The following DCX variants were observed in gnomAD, a reference collection of about 807,000 sequenced individuals.
The protein encoded by DCX is doublecortin, also known as neuronal migration protein doublecortin.
Under a neutral mutation model 20.9 loss-of-function variants are expected in DCX, and 4 were observed. The observed-to-expected ratio is 0.19, with a 90% CI of 0.09 to 0.44. The LOEUF is 0.44. Ranked by LOEUF, DCX falls within the 20% of genes least tolerant of loss-of-function variation. The probability of loss-of-function intolerance (pLI) is 0.99; values close to 1 mark genes in which losing one functional copy is unlikely to be tolerated. For synonymous variants in DCX, 103 were observed against 111.4 expected (o/e 0.92, Z 0.47); for missense variants, 133 against 296.9 (o/e 0.45, Z 4.06).
rs749902767 is a variant in DCX, at chrX:111,351,134, G to A, written c.706-17981C>T. Among the ~76,000 whole-genome samples the A allele has an allele frequency of 8.0e-5, 9 of 111,981 alleles. No homozygotes were observed. In the South Asian group the frequency reaches 3.4e-3, roughly 42 times the overall value. The stretch of plus-strand genomic sequence containing the variant: ...ACAGCCAAACCATACCAGTCAGTAT[G>A]GGGGCTCATGAGGGAACAAGCTGAG... On this transcript the variant is annotated intron_variant, in intron 3 of 6. Transcript: ENST00000636035.
intron 2 of DCX, among the ~76,000 whole-genome samples, chrX:111,409,061 A>G (rs1350920857): frequency 9.0e-6 from 1 of 111,638 alleles, no homozygotes; most frequent in Non-Finnish European, 1.9e-5. Context: ...CTTGAGGAGG[A>G]ACACATTAAT....
intron 3 of DCX, among the ~76,000 whole-genome samples, chrX:111,366,543 G>A (rs1924647254): frequency 9.0e-6 from 1 of 111,716 alleles, no homozygotes; most frequent in Admixed American, 9.5e-5. Context: ...TTCCCTTTCT[G>A]CTTTATCTAG....
chrX:111,369,889 C>A (rs138065265), intron 3 of DCX, among the ~76,000 whole-genome samples: 3,118 of 111,600 alleles, frequency 0.028, 105 homozygotes, highest in African/African-American at 0.092. Flanking sequence ...GCTTTGTTCT[C>A]TAGCAGCTAT....
chrX:111,324,982 G>A (rs1168020779), intron 5 of DCX, among the ~76,000 whole-genome samples: 1 of 111,671 alleles, frequency 9.0e-6, no homozygotes, highest in African/African-American at 3.3e-5. Flanking sequence ...TTCTAAGCAG[G>A]TTTTAGAAGA....
intron 3 of DCX, among the ~76,000 whole-genome samples, chrX:111,356,091 C>T (rs1923710162): frequency 8.9e-6 from 1 of 111,918 alleles, no homozygotes; most frequent in Non-Finnish European, 1.9e-5. Flanking sequence ...GAAATATAAA[C>T]CAATAGTTAA....
At chrX:111,357,282 G>A (rs777682091) in intron 3 of DCX, among the ~76,000 whole-genome samples, 2 of 111,561 alleles carry the variant, frequency 1.8e-5, no homozygotes, top group Non-Finnish European at 3.8e-5. Context: ...TGTAACCTTG[G>A]TAAGTCATTT....
At chrX:111,354,053 A>G (rs1923538448) in intron 3 of DCX, among the ~76,000 whole-genome samples, 1 of 111,741 alleles carries the variant, frequency 8.9e-6, no homozygotes, top group African/African-American at 3.3e-5. Context: ...CAAGTCCAAT[A>G]TATTGGCAAT....
At chrX:111,410,639 G>C in intron 1 of DCX, 1 of 883,192 alleles carries the variant, frequency 1.1e-6, no homozygotes, top group Admixed American at 2.2e-5. Flanking sequence ...GCTGGGCGGG[G>C]GTGCTGGTGG....
chrX:111,312,568 A>T (rs2147594756), intron 6 of DCX, 71 bp downstream of exon 6: 1 of 1,075,617 alleles, frequency 9.3e-7, no homozygotes. Context: ...GTTAGAATGG[A>T]AGAGAAAACC....
chrX:111,359,373 C>T (rs921587512), intron 3 of DCX, among the ~76,000 whole-genome samples: 1 of 111,337 alleles, frequency 9.0e-6, no homozygotes, highest in Non-Finnish European at 1.9e-5. Context: ...AGATTACCCC[C>T]CAACTCTCAC....
chrX:111,411,339 T>A (rs1337287771), intron 1 of DCX, among the ~76,000 whole-genome samples: 1 of 102,867 alleles, frequency 9.7e-6, no homozygotes, highest in Non-Finnish European at 2.0e-5. Context: ...CCGAACAGCA[T>A]ACGGGACCTT....
intron 3 of DCX, among the ~76,000 whole-genome samples, chrX:111,388,277 T>C (rs899144084): frequency 2.7e-5 from 3 of 111,827 alleles, no homozygotes; most frequent in African/African-American, 9.7e-5. Flanking sequence ...AGTCCTGCCT[T>C]TACCATGGGT....
chrX:111,396,981 C>G (rs1012983641), intron 3 of DCX, among the ~76,000 whole-genome samples: 8 of 111,325 alleles, frequency 7.2e-5, no homozygotes, highest in Admixed American at 2.9e-4. Context: ...GTCAGGAAAC[C>G]AAACTTCTAT....
rs557729083 is a variant in DCX at position 111,370,881 on chromosome X, T to C, written c.705+30109A>G. The stretch of plus-strand genomic sequence containing the variant: ...ATTTTTTAAAAGCTCCACAAGGTGA[T>C]CCAAATTTTTTTCTAACATTTTAAA... On this transcript the variant is annotated intron_variant, in intron 3 of 6. Transcript: ENST00000636035. Among the ~76,000 whole-genome samples the C allele has an allele frequency of 2.7e-5, 3 of 112,017 alleles. No homozygotes were observed. The South Asian group carries it at 1.1e-3, about 42-fold the overall frequency.
chrX:111,362,192 G>GA (rs1351298248), intron 3 of DCX, among the ~76,000 whole-genome samples: 1 of 111,325 alleles, frequency 9.0e-6, no homozygotes, highest in Non-Finnish European at 1.9e-5. Context: ...AAAAGATGGA[G>GA]AAAAAACCAT....
chrX:111,411,239 T>C (rs779332405), intron 1 of DCX: 89 of 333,709 alleles, frequency 2.7e-4, no homozygotes, highest in South Asian at 1.2e-3. Context: ...TCCTTTTTTT[T>C]CCCCCCCAGG....
chrX:111,383,851 T>C (rs1926168207), intron 3 of DCX, among the ~76,000 whole-genome samples: 1 of 111,132 alleles, frequency 9.0e-6, no homozygotes, highest in Admixed American at 9.6e-5. Flanking sequence ...GCATTGAACC[T>C]TCTAAAAGTT....
intron 3 of DCX, among the ~76,000 whole-genome samples, chrX:111,384,958 T>C (rs1196848949): frequency 8.9e-6 from 1 of 112,816 alleles, no homozygotes; most frequent in East Asian, 2.8e-4. Context: ...TGGTTTCTCA[T>C]AGATTATCCA....
Position 111,293,933 on chromosome X carries a change from G to A in DCX, c.*7754C>T. The A allele has an allele frequency of 8.9e-6, 1 of 112,691 alleles. No individual in the cohort carries two copies. The highest frequency in any genetic ancestry group is 1.9e-5 in the Non-Finnish European group (1 of 53,312). The allele number at this position is 112,691 out of a possible 1,213,427, so 9.3% of individuals were successfully genotyped here. ...TGGTATTGAATGCTGCGAATCTTCA[G>A]CACTCACAGTTCACAGCACCTTACA... is the stretch of plus-strand genomic sequence containing the variant. On this transcript the variant is annotated 3_prime_UTR_variant, in exon 7 of 7. Transcript: ENST00000636035.
Sources: gnomAD v4.1 joint callset for allele counts (sites outside exome capture counted in the v4.1 genomes callset) on GRCh38, gnomAD v4.1.1 for gene constraint, MANE v1.5 for transcripts, NCBI Gene and HGNC (gene_info 2026-07-23, HGNC 2026-07-21) for gene names.